The following ZMIZ1 variants were observed in gnomAD, a reference collection of about 807,000 sequenced individuals.
ZMIZ1 encodes the protein zinc finger MIZ-type containing 1, also known as zinc finger MIZ domain-containing protein 1.
In ZMIZ1, 17 loss-of-function variants were observed where a neutral mutation model predicts 113.9. That is an observed-to-expected ratio of 0.15 (90% CI 0.10 to 0.22). The LOEUF is 0.22. ZMIZ1 is among the 10% of genes least tolerant of loss of function. ZMIZ1 has a pLI of 1.00. For synonymous variants in ZMIZ1, 607 were observed against 603.1 expected, an observed-to-expected ratio of 1.01 and a Z score of -0.09; for missense variants, 1,059 against 1,477.8, an observed-to-expected ratio of 0.72 and a Z score of 4.65.
At chr10:79,199,755 C>T (rs534120538) in intron 4 of ZMIZ1, among the ~76,000 whole-genome samples, 7 of 152,216 alleles carry the variant, frequency 4.6e-5, no homozygotes, top group East Asian at 3.9e-4. Flanking sequence ...ACCCAGGACT[C>T]GATATCTTTG....
At chr10:79,167,944 G>T (rs1038229087) in intron 4 of ZMIZ1, among the ~76,000 whole-genome samples, 2 of 152,188 alleles carry the variant, frequency 1.3e-5, no homozygotes, top group Non-Finnish European at 2.9e-5. Flanking sequence ...GGCAGGGATG[G>T]CTCCAAGGCT....
chr10:79,296,689 T>C lies in ZMIZ1; in HGVS notation c.1413+36T>C. ...GCCTCGCCACCACCCACGGGGCCCC[T>C]TCCCTCCTAACCACCTCACTCCCCT... On this transcript the variant is annotated intron_variant, in intron 13 of 24. Transcript: ENST00000334512. This position sits in a 1 kb window ranked among gnomAD's most constrained non-coding sequence, Gnocchi z 4.1. 1 of 1,444,146 alleles carries C rather than the reference T, an allele frequency of 6.9e-7. No individual in the cohort carries two copies. The highest frequency in any genetic ancestry group is 9.4e-7 in the Non-Finnish European group (1 of 1,066,546). The allele number at this position is 1,444,146 out of a possible 1,614,324, so 89.5% of individuals were successfully genotyped here.
chr10:79,122,463 G>T (rs1374981801), intron 2 of ZMIZ1, among the ~76,000 whole-genome samples: 6 of 152,118 alleles, frequency 3.9e-5, no homozygotes, highest in African/African-American at 1.4e-4. Context: ...GCAGTGGAGG[G>T]TATGGGGAGT....
intron 7 of ZMIZ1, among the ~76,000 whole-genome samples, chr10:79,237,494 G>T (rs1172002682): frequency 2.6e-5 from 4 of 152,184 alleles, no homozygotes; most frequent in African/African-American, 9.7e-5. Flanking sequence ...GTAGGGCCAA[G>T]GTCCCTCAGA....
intron 7 of ZMIZ1, among the ~76,000 whole-genome samples, chr10:79,261,581 C>T (rs749493549): frequency 7.9e-5 from 12 of 152,210 alleles, no homozygotes; most frequent in South Asian, 2.1e-4. Context: ...GGCAGTGAGG[C>T]GGAGCCTGCA....
At chr10:79,085,337 TG>T (rs1422495901) in intron 1 of ZMIZ1, among the ~76,000 whole-genome samples, 1 of 151,778 alleles carries the variant, frequency 6.6e-6, no homozygotes, top group Non-Finnish European at 1.5e-5. Context: ...AAGCTGGGGG[TG>T]GGGGTCAAGG....
chr10:79,106,676 T>C (rs1279898576), intron 1 of ZMIZ1, among the ~76,000 whole-genome samples: 1 of 152,226 alleles, frequency 6.6e-6, no homozygotes, highest in East Asian at 1.9e-4. Context: ...CACTCAGCCC[T>C]TGAGTTTAGG....
At chr10:79,092,414 A>G (rs1843010290) in intron 1 of ZMIZ1, among the ~76,000 whole-genome samples, 1 of 152,222 alleles carries the variant, frequency 6.6e-6, no homozygotes, top group Non-Finnish European at 1.5e-5. Flanking sequence ...TCCCTCTTCC[A>G]GGCCTTGGCG....
intron 7 of ZMIZ1, among the ~76,000 whole-genome samples, chr10:79,249,508 T>C (rs1773459104): frequency 6.6e-6 from 1 of 152,214 alleles, no homozygotes; most frequent in South Asian, 2.1e-4. Context: ...CTTGTCTGTG[T>C]GATGTGAGGG....
chr10:79,237,409 A>G (rs750598068), intron 7 of ZMIZ1, among the ~76,000 whole-genome samples: 2 of 152,212 alleles, frequency 1.3e-5, no homozygotes, highest in African/African-American at 2.4e-5. Context: ...AAAGTGCCAC[A>G]CAGCGGGTGG....
At chr10:79,131,703 C>G (rs192402167) in intron 2 of ZMIZ1, among the ~76,000 whole-genome samples, 104 of 152,286 alleles carry the variant, frequency 6.8e-4, no homozygotes, top group African/African-American at 2.3e-3. Flanking sequence ...ACCCCACACT[C>G]TGCTGCCCCC....
intron 7 of ZMIZ1, among the ~76,000 whole-genome samples, chr10:79,228,585 C>T (rs1304544212): frequency 6.6e-6 from 1 of 152,260 alleles, no homozygotes; most frequent in Non-Finnish European, 1.5e-5. Flanking sequence ...CAGACCCCTG[C>T]CCTCTTGCCC....
chr10:79,277,429 G>A, intron 8 of ZMIZ1, 104 bp downstream of exon 8: 1 of 1,380,946 alleles, frequency 7.2e-7, no homozygotes. Flanking sequence ...GCAACCATGA[G>A]GATGTTGCAT....
chr10:79,308,137 C>A (rs1166927472), intron 23 of ZMIZ1, among the ~76,000 whole-genome samples: 2 of 152,222 alleles, frequency 1.3e-5, no homozygotes, highest in African/African-American at 4.8e-5. Flanking sequence ...TGTCCACAGG[C>A]CCTCCCTTCC....
At chr10:79,300,658 C>A (rs925296641) in intron 16 of ZMIZ1, 74 bp from the exon 17 acceptor site, 222 of 1,511,884 alleles carry the variant, frequency 1.5e-4, no homozygotes, top group Non-Finnish European at 1.9e-4. Context: ...AGGTGTGTGA[C>A]CTGGCTCGGG....
intron 4 of ZMIZ1, among the ~76,000 whole-genome samples, chr10:79,163,123 C>G (rs931958922): frequency 2.0e-5 from 3 of 152,256 alleles, no homozygotes; most frequent in South Asian, 2.1e-4. Context: ...AGCCCTTTGT[C>G]CCAAGGCGTC....
rs887355233 is a variant in ZMIZ1 at position 79,313,715 on chromosome 10, C to T, written c.*966C>T. 1.1e-5 allele frequency: 3 copies of T among 281,148 alleles called. No homozygotes were observed. The highest frequency in any genetic ancestry group is 3.4e-5 in the South Asian group (1 of 29,134). The allele number at this position is 281,148 out of a possible 1,614,324, so 17.4% of individuals were successfully genotyped here. On this transcript the variant is annotated 3_prime_UTR_variant, in exon 25 of 25. Coordinates refer to ENST00000334512, the MANE Select transcript of ZMIZ1 (RefSeq NM_020338.4). Reference sequence around the variant, plus strand: ...TATGAAGTCACCTGGAGAAAAGGAACGTTGCTCTTGGACAGCAAGCAAACC... The same window carrying T: ...TATGAAGTCACCTGGAGAAAAGGAATGTTGCTCTTGGACAGCAAGCAAACC...
At chr10:79,102,362 C>T (rs1182832965) in intron 1 of ZMIZ1, among the ~76,000 whole-genome samples, 1 of 152,228 alleles carries the variant, frequency 6.6e-6, no homozygotes, top group Non-Finnish European at 1.5e-5. Flanking sequence ...TCTGGCTCAG[C>T]CCCCTCCTTC....
rs749186499 is a variant in ZMIZ1 at position 79,314,938 on chromosome 10, T to G, written c.*2189T>G. 9.2e-5 allele frequency: 14 copies of G among 152,676 alleles called. No individual in the cohort carries two copies. Among genetic ancestry groups the G allele is most frequent in the Admixed American group, 3.3e-4 (5 of 15,286 alleles). The allele number at this position is 152,676 out of a possible 1,614,324, so 9.5% of individuals were successfully genotyped here. On this transcript the variant is annotated 3_prime_UTR_variant, in exon 25 of 25. Coordinates refer to ENST00000334512, the MANE Select transcript of ZMIZ1 (RefSeq NM_020338.4). ...GCTCCAGACAGACTTACAGATGCCT[T>G]CCTTAGGAGTTCTTGCTTCTTGCGT...
Sources: gnomAD v4.1 joint callset for allele counts (sites outside exome capture counted in the v4.1 genomes callset) on GRCh38, gnomAD v4.1.1 for gene constraint, Gnocchi (gnomAD v3.1) non-coding constraint, MANE v1.5 for transcripts, NCBI Gene and HGNC (gene_info 2026-07-23, HGNC 2026-07-21) for gene names.